Variants in C1orf21 observed in about 807,000 individuals in gnomAD.
The protein encoded by C1orf21 is uncharacterized protein C1orf21.
A neutral mutation model predicts 18.7 loss-of-function variants in C1orf21; 3 were observed. The ratio of observed to expected loss-of-function variants is 0.16; its 90% CI spans 0.07 to 0.42. C1orf21 has a LOEUF of 0.42. Among genes scored for constraint, C1orf21 ranks in the 10% least tolerant of loss-of-function variants. The pLI, the probability that C1orf21 is intolerant of heterozygous loss-of-function variation, is 0.99. For missense variants in C1orf21, 104 were observed against 143.6 expected, an observed-to-expected ratio of 0.72 and a Z score of 1.41; for synonymous variants, 41 against 46.4, an observed-to-expected ratio of 0.88 and a Z score of 0.47.
At chr1:184,490,569 C>T (rs927147588) in intron 2 of C1orf21, among the ~76,000 whole-genome samples, 14 of 151,992 alleles carry the variant, frequency 9.2e-5, no homozygotes, top group Admixed American at 2.6e-4. Context: ...TAGAGAATCT[C>T]ACATTAACGG....
intron 3 of C1orf21, among the ~76,000 whole-genome samples, chr1:184,514,167 T>G (rs1391497639): frequency 6.6e-6 from 1 of 152,134 alleles, no homozygotes. Flanking sequence ...TAGCTGTGCC[T>G]TGTGGTGCAT....
intron 3 of C1orf21, among the ~76,000 whole-genome samples, chr1:184,559,304 C>T (rs1375348789): frequency 1.3e-5 from 2 of 152,076 alleles, no homozygotes; most frequent in Non-Finnish European, 2.9e-5. Flanking sequence ...CTGCTTTCAC[C>T]ACCTGAAGTG....
At chr1:184,481,520 C>A (rs1657653655) in intron 2 of C1orf21, among the ~76,000 whole-genome samples, 1 of 152,188 alleles carries the variant, frequency 6.6e-6, no homozygotes, top group African/African-American at 2.4e-5. Context: ...AGTGCATTTA[C>A]AGCAAGGGTA....
At chr1:184,588,501 T>C (rs1412798783) in intron 3 of C1orf21, among the ~76,000 whole-genome samples, 1 of 152,182 alleles carries the variant, frequency 6.6e-6, no homozygotes, top group Non-Finnish European at 1.5e-5. Flanking sequence ...GCCAAACTGC[T>C]TGGGTTCAAA....
intron 3 of C1orf21, among the ~76,000 whole-genome samples, chr1:184,526,971 G>A (rs754006687): frequency 6.6e-6 from 1 of 152,198 alleles, no homozygotes; most frequent in African/African-American, 2.4e-5. Context: ...TTTCCATGAA[G>A]TATGCTAATG....
chr1:184,543,872 A>G (rs1200978408), intron 3 of C1orf21, among the ~76,000 whole-genome samples: 2 of 152,184 alleles, frequency 1.3e-5, no homozygotes, highest in Non-Finnish European at 2.9e-5. Flanking sequence ...TTTTCATAAA[A>G]GATCATTTTT....
chr1:184,562,059 A>G (rs546143799), intron 3 of C1orf21, among the ~76,000 whole-genome samples: 168 of 152,208 alleles, frequency 1.1e-3, no homozygotes, highest in African/African-American at 3.9e-3. Context: ...ATTGTTGCCA[A>G]CTGCAAAAGG....
chr1:184,614,531 C>A (rs991407951), intron 5 of C1orf21, among the ~76,000 whole-genome samples: 47 of 132,600 alleles, frequency 3.5e-4, no homozygotes, highest in Non-Finnish European at 7.3e-4. Flanking sequence ...TTTCTGGCAC[C>A]AGGGACTGGT....
rs528994143 is a variant in C1orf21, at chr1:184,587,513, G to A, written c.190-3226G>A. Among the ~76,000 whole-genome samples, 203 of 145,796 alleles carry A rather than the reference G, an allele frequency of 1.4e-3. 1 individual carries two copies. The highest frequency in any genetic ancestry group is 4.9e-3 in the African/African-American group (191 of 38,884). ...ATCTTTTAGCTCCCTGCTTAGCTGTGTTCCTAGGAATTGTGTGTGTGTGTG... is the reference window on the plus strand; with the variant it reads ...ATCTTTTAGCTCCCTGCTTAGCTGTATTCCTAGGAATTGTGTGTGTGTGTG... On this transcript the variant is annotated intron_variant, in intron 3 of 5. Coordinates refer to ENST00000235307, the MANE Select transcript of C1orf21 (RefSeq NM_030806.4).
rs142724665 is a variant in C1orf21 at position 184,491,051 on chromosome 1, A to C, written c.94+13448A>C. Among the ~76,000 whole-genome samples the C allele has an allele frequency of 5.9e-5, 9 of 152,294 alleles. No homozygotes were observed. In the East Asian group the frequency reaches 1.5e-3, roughly 26 times the overall value. On this transcript the variant is annotated intron_variant, in intron 2 of 5. Transcript: ENST00000235307. ...AACTGATAGGTTCCTCATTTGTAAAATTGGAACCTACCTCATAAGATGCTA... is the reference window on the plus strand; with the variant it reads ...AACTGATAGGTTCCTCATTTGTAAACTTGGAACCTACCTCATAAGATGCTA...
At chr1:184,519,499 T>C (rs897688097) in intron 3 of C1orf21, among the ~76,000 whole-genome samples, 1 of 152,142 alleles carries the variant, frequency 6.6e-6, no homozygotes, top group East Asian at 1.9e-4. Flanking sequence ...AACATGAGCA[T>C]TTTTTATATG....
In C1orf21 at chr1:184,626,620, G is replaced by A. The variant is rs1332313625; in HGVS notation, c.*7064G>A. On this transcript the variant is annotated 3_prime_UTR_variant, in exon 6 of 6. Transcript: ENST00000235307. ...GCCCACTGCTGAGGTCCTCCAGACA[G>A]GTAAGGTGTGGTCACAATCAGGGCC... is the stretch of plus-strand genomic sequence containing the variant. 1.3e-5 allele frequency: 2 copies of A among 152,494 alleles called. No individual in the cohort carries two copies. The highest frequency in any genetic ancestry group is 2.9e-5 in the Non-Finnish European group (2 of 68,296). The allele number at this position is 152,494 out of a possible 1,614,324, so 9.4% of individuals were successfully genotyped here. A position where few individuals can be genotyped will look rare whatever the true frequency, so the allele number is the denominator to read the frequency against.
chr1:184,542,234 A>G (rs1313769243), intron 3 of C1orf21, among the ~76,000 whole-genome samples: 3 of 152,216 alleles, frequency 2.0e-5, no homozygotes, highest in Admixed American at 6.5e-5. Context: ...GGCAATTCAT[A>G]TAATAATACC....
At chr1:184,607,510 T>C (rs1659663899) in intron 5 of C1orf21, among the ~76,000 whole-genome samples, 1 of 152,068 alleles carries the variant, frequency 6.6e-6, no homozygotes, top group East Asian at 1.9e-4. Flanking sequence ...GAAAACTAAG[T>C]ATCCACCCAT....
chr1:184,599,191 T>C (rs1571296376), intron 5 of C1orf21: 2 of 152,344 alleles, frequency 1.3e-5, no homozygotes, highest in East Asian at 3.8e-4. Context: ...ATCCGAGTAT[T>C]ATAATTTTTT....
At chr1:184,590,360 A>G (rs1306772380) in intron 3 of C1orf21, among the ~76,000 whole-genome samples, 2 of 152,238 alleles carry the variant, frequency 1.3e-5, no homozygotes, top group African/African-American at 2.4e-5. Flanking sequence ...TTTTACAAAT[A>G]AATTGCACGG....
At chr1:184,537,659 C>CT (rs200438676) in intron 3 of C1orf21, among the ~76,000 whole-genome samples, 1,631 of 151,692 alleles carry the variant, frequency 0.011, 13 homozygotes, top group Middle Eastern at 0.021. Flanking sequence ...TTTATTTTTT[C>CT]TTTTTTTTGA....
intron 3 of C1orf21, among the ~76,000 whole-genome samples, chr1:184,583,641 T>G (rs554532017): frequency 6.6e-6 from 1 of 152,124 alleles, no homozygotes; most frequent in African/African-American, 2.4e-5. Context: ...CTTTTTTGAG[T>G]GAAGAATAAC....
At chr1:184,569,922 G>A (rs1659086373) in intron 3 of C1orf21, among the ~76,000 whole-genome samples, 1 of 152,180 alleles carries the variant, frequency 6.6e-6, no homozygotes, top group African/African-American at 2.4e-5. Flanking sequence ...AGAATTTAGG[G>A]CCCTTTAACT....
Sources: gnomAD v4.1 joint callset for allele counts (sites outside exome capture counted in the v4.1 genomes callset) on GRCh38, gnomAD v4.1.1 for gene constraint, MANE v1.5 for transcripts, NCBI Gene and HGNC (gene_info 2026-07-23, HGNC 2026-07-21) for gene names.